Variants in GOT1 observed in about 807,000 individuals in gnomAD.
The protein encoded by GOT1 is aspartate aminotransferase, cytoplasmic.
Under a neutral mutation model 48.2 loss-of-function variants are expected in GOT1, and 25 were observed. The observed-to-expected ratio is 0.52, with a 90% CI of 0.38 to 0.72. The LOEUF (loss-of-function observed/expected upper bound fraction) is 0.72, where lower values mean the gene tolerates loss of function less well. Among genes scored for constraint, GOT1 ranks in the 30% least tolerant of loss-of-function variants. GOT1 has a pLI of 0.00. For missense variants in GOT1, 380 were observed against 520.1 expected (o/e 0.73, Z 2.62); for synonymous variants, 188 against 193.8 (o/e 0.97, Z 0.25).
intron 2 of GOT1, among the ~76,000 whole-genome samples, chr10:99,408,101 C>A (rs1488466131): frequency 2.0e-5 from 3 of 152,116 alleles, no homozygotes; most frequent in African/African-American, 7.2e-5. Context: ...TTACAAAATG[C>A]TTTCATGTAT....
chr10:99,417,329 A>G (rs980488006), intron 2 of GOT1, among the ~76,000 whole-genome samples: 7 of 152,230 alleles, frequency 4.6e-5, no homozygotes, highest in Non-Finnish European at 1.0e-4. Flanking sequence ...ACATGAAAAA[A>G]TGCTCATCAT....
intron 7 of GOT1, among the ~76,000 whole-genome samples, 171 bp downstream of exon 7, chr10:99,403,298 G>A (rs536539972): frequency 9.9e-5 from 15 of 152,248 alleles, no homozygotes; most frequent in Admixed American, 6.5e-4. Context: ...TGTTATGCAC[G>A]TGTGAGGTAG....
intron 8 of GOT1, among the ~76,000 whole-genome samples, chr10:99,401,566 C>G (rs2032678931): frequency 6.6e-6 from 1 of 151,882 alleles, no homozygotes; most frequent in Non-Finnish European, 1.5e-5. Context: ...ACTCGGGAGG[C>G]TGAGGCAGGA....
chr10:99,424,939 A>G (rs1000501085), intron 1 of GOT1, among the ~76,000 whole-genome samples: 2 of 152,138 alleles, frequency 1.3e-5, no homozygotes, highest in African/African-American at 4.8e-5. Context: ...TTTTATTCCT[A>G]TTTGTTGGAC....
chr10:99,406,580 A>T lies in GOT1; in HGVS notation c.424+146T>A, dbSNP rs1483439621. On this transcript the variant is annotated intron_variant, in intron 3 of 8. Transcript: ENST00000370508. ...CTTGATTTTGAGCAGCAGGTTTCTC[A>T]TGCACTGCCATAACCCACTGTTCAA... 1.7e-5 allele frequency: 12 copies of T among 710,888 alleles called. No individual in the cohort carries two copies. The East Asian group carries it at 3.3e-4, about 19-fold the overall frequency. The allele number at this position is 710,888 out of a possible 1,614,324, so 44.0% of individuals were successfully genotyped here. A position where few individuals can be genotyped will look rare whatever the true frequency, so the allele number is the denominator to read the frequency against.
Position 99,406,734 on chromosome 10 carries a change from G to A in GOT1, c.416C>T (p.Pro139Leu). The A allele has an allele frequency of 6.2e-7, 1 of 1,613,572 alleles. No homozygotes were observed. Among genetic ancestry groups the A allele is most frequent in the Non-Finnish European group, 8.5e-7 (1 of 1,179,586 alleles). The change falls in exon 3 of 9, where the codon CCA becomes CTA. Residue 139 changes from proline to leucine, a missense_variant. By Grantham distance (98) the Pro-to-Leu change is moderately conservative (BLOSUM62 -3). Transcript: ENST00000370508. ...TCAGCTGAAAGACTCACCCCAGGTT[G>A]GTGAGGACACATAGACAGGTGTGTT... The part of the protein sequence containing the change: ...NKNTPVYVSS[P>L]TWENHNAVFS...
rs557478243 is a variant in GOT1 at position 99,406,747 on chromosome 10, A to G, written c.403T>C (p.Tyr135His). 2 of 1,613,820 alleles carry G rather than the reference A, an allele frequency of 1.2e-6. No homozygotes were observed. Among genetic ancestry groups the G allele is most frequent in the Non-Finnish European group, 1.7e-6 (2 of 1,179,754 alleles). The change falls in exon 3 of 9, where the codon TAT becomes CAT. Residue 135 changes from tyrosine to histidine, a missense_variant. Transcript: ENST00000370508. The stretch of plus-strand genomic sequence containing the variant: ...TCACCCCAGGTTGGTGAGGACACAT[A>G]GACAGGTGTGTTCTTGTTGTTTGTT... ...NGTNNKNTPV[Y>H]VSSPTWENHN...
intron 1 of GOT1, chr10:99,430,184 G>T: frequency 2.3e-6 from 2 of 875,480 alleles, no homozygotes; most frequent in South Asian, 2.8e-5. Flanking sequence ...GCAGAATGGG[G>T]AATCGGAAAG....
rs2032617791 is a variant in GOT1 at position 99,397,602 on chromosome 10, T to C, written c.1187A>G (p.Lys396Arg). 5.6e-6 allele frequency: 9 copies of C among 1,614,164 alleles called. No homozygotes were observed. The highest frequency in any genetic ancestry group is 6.8e-6 in the Non-Finnish European group (8 of 1,180,012). The change falls in exon 9 of 9, where the codon AAA (lysine) becomes AGA (arginine). Residue 396 changes from lysine (K) to arginine (R), a missense_variant. Lys to Arg is a conservative substitution (Grantham distance 26). Transcript: ENST00000370508. The surrounding 1 kb of genome is among the most constrained non-coding windows in gnomAD (Gnocchi z 5.4). ...GRINVSGLTTKNLDYVATSIH... is the reference protein window; with the variant it reads ...GRINVSGLTTRNLDYVATSIH... ...GGAGGTGGCCACGTAATCTAGATTT[T>C]TGGTGGTTAAGCCACTCACGTTGAT...
chr10:99,416,891 A>G (rs1200541535), intron 2 of GOT1, among the ~76,000 whole-genome samples: 24 of 152,318 alleles, frequency 1.6e-4, no homozygotes, highest in African/African-American at 5.8e-4. Context: ...GAAAGCTGAA[A>G]CTGGATCCCT....
chr10:99,407,219 G>A (rs1358594285), intron 2 of GOT1, among the ~76,000 whole-genome samples: 1 of 151,992 alleles, frequency 6.6e-6, no homozygotes, highest in African/African-American at 2.4e-5. Flanking sequence ...GCACGCACAT[G>A]CCTTGGAAGG....
In GOT1 at chr10:99,397,351, C is replaced by A; in HGVS notation, c.*196G>T. 1 of 638,780 alleles carries A rather than the reference C, an allele frequency of 1.6e-6. No homozygotes were observed. The allele number at this position is 638,780 out of a possible 1,614,324, so 39.6% of individuals were successfully genotyped here. The stretch of plus-strand genomic sequence containing the variant: ...TAATTTGCTTTGACCTCCAAAGGCT[C>A]TAATCCCAGTCTCCAAATTCGTCTC... On this transcript the variant is annotated 3_prime_UTR_variant, in exon 9 of 9. Coordinates refer to ENST00000370508, the MANE Select transcript of GOT1 (RefSeq NM_002079.3). This position sits in a 1 kb window ranked among gnomAD's most constrained non-coding sequence, Gnocchi z 5.4.
intron 2 of GOT1, among the ~76,000 whole-genome samples, chr10:99,409,405 A>G (rs2032803782): frequency 6.6e-6 from 1 of 152,160 alleles, no homozygotes; most frequent in Admixed American, 6.5e-5. Context: ...TACTGGGATT[A>G]CAGGCATGAG....
At chr10:99,429,438 C>G (rs1352521810) in intron 1 of GOT1, among the ~76,000 whole-genome samples, 1 of 151,718 alleles carries the variant, frequency 6.6e-6, no homozygotes, top group African/African-American at 2.4e-5. Flanking sequence ...ATGTCACACT[C>G]TGCTACAAAA....
At chr10:99,426,964 A>G (rs890357436) in intron 1 of GOT1, among the ~76,000 whole-genome samples, 1 of 152,194 alleles carries the variant, frequency 6.6e-6, no homozygotes, top group Non-Finnish European at 1.5e-5. Context: ...CAAGGGGTAT[A>G]CTTGGGGATG....
At position 99,405,456 on chromosome 10, in the gene GOT1, TTG is replaced by T. The variant is rs1368295147; in HGVS notation, c.642+298_642+299del. 3.3e-5 allele frequency among the ~76,000 whole-genome samples: 5 copies of T among 151,024 alleles called. No individual in the cohort carries two copies. In the East Asian group the frequency reaches 9.7e-4, roughly 29 times the overall value. On this transcript the variant is annotated intron_variant, in intron 5 of 8. Coordinates refer to ENST00000370508, the MANE Select transcript of GOT1 (RefSeq NM_002079.3). Reference sequence around the variant, plus strand: ...TAAAGAAGTGAAAATGAAAAACAAATTGTGTTGCACAAAACAGTACAGACAAA... The same window carrying T: ...TAAAGAAGTGAAAATGAAAAACAAATTGTTGCACAAAACAGTACAGACAAA...
At chr10:99,401,140 T>C (rs1330713662) in intron 8 of GOT1, among the ~76,000 whole-genome samples, 1 of 152,220 alleles carries the variant, frequency 6.6e-6, no homozygotes, top group East Asian at 1.9e-4. Flanking sequence ...GACATTCCCA[T>C]ATTGTGAGCT....
chr10:99,416,106 A>G (rs1316917234), intron 2 of GOT1, among the ~76,000 whole-genome samples: 3 of 152,202 alleles, frequency 2.0e-5, no homozygotes, highest in Non-Finnish European at 4.4e-5. Context: ...ATCAGGCAGG[A>G]GAAAGAAATA....
Position 99,406,721 on chromosome 10 carries a change from C to T in GOT1, c.424+5G>A. 1.9e-6 allele frequency: 3 copies of T among 1,612,308 alleles called. No homozygotes were observed. The highest frequency in any genetic ancestry group is 2.5e-6 in the Non-Finnish European group (3 of 1,178,466). On this transcript the variant is annotated splice_donor_5th_base_variant and intron_variant, in intron 3 of 8. Transcript: ENST00000370508. ...TTTTCCTCTCACTTCAGCTGAAAGA[C>T]TCACCCCAGGTTGGTGAGGACACAT... is the stretch of plus-strand genomic sequence containing the variant.
Sources: gnomAD v4.1 joint callset for allele counts (sites outside exome capture counted in the v4.1 genomes callset) on GRCh38, gnomAD v4.1.1 for gene constraint, Gnocchi (gnomAD v3.1) non-coding constraint, MANE v1.5 for transcripts, NCBI Gene and HGNC (gene_info 2026-07-23, HGNC 2026-07-21) for gene names.